The following TRPC3 variants were observed in gnomAD, a reference collection of about 807,000 sequenced individuals.
TRPC3 encodes the protein transient receptor potential cation channel subfamily C member 3, also known as short transient receptor potential channel 3.
TRPC3 carries 54 observed loss-of-function variants against 90.9 expected under a neutral mutation model. The observed-to-expected ratio is 0.59, with a 90% CI of 0.48 to 0.75. The LOEUF (loss-of-function observed/expected upper bound fraction) is 0.75. TRPC3 is among the 30% of genes least tolerant of loss of function. The pLI is 0.00. For synonymous variants in TRPC3, 424 were observed against 450.9 expected (o/e 0.94, Z 0.75); for missense variants, 918 against 1,194.5 (o/e 0.77, Z 3.41).
chr4:121,947,536 G>C (rs1406595736), intron 1 of TRPC3, among the ~76,000 whole-genome samples: 1 of 152,106 alleles, frequency 6.6e-6, no homozygotes, highest in Non-Finnish European at 1.5e-5. Flanking sequence ...CTCATTTTTG[G>C]TTCCTTGATC....
Position 121,951,835 on chromosome 4 carries a change from G to A in TRPC3, c.-155C>T, listed in dbSNP as rs1478569835. 2 of 500,060 alleles carry A rather than the reference G, an allele frequency of 4.0e-6. No individual in the cohort carries two copies. The highest frequency in any genetic ancestry group is 2.0e-5 in the African/African-American group (1 of 50,014). The allele number at this position is 500,060 out of a possible 1,614,324, so 31.0% of individuals were successfully genotyped here. On this transcript the variant is annotated 5_prime_UTR_variant, in exon 1 of 12. Transcript: ENST00000379645. This position sits in a 1 kb window ranked among gnomAD's most constrained non-coding sequence, Gnocchi z 4.4. ...GGAAGGCAGGAGCGGAGAGCGTCGCGGCCCGCGATCCAGCAGTTAGAGGCT... is the reference window on the plus strand; with the variant it reads ...GGAAGGCAGGAGCGGAGAGCGTCGCAGCCCGCGATCCAGCAGTTAGAGGCT...
chr4:121,947,034 G>A (rs1730514691), intron 1 of TRPC3, among the ~76,000 whole-genome samples: 1 of 151,424 alleles, frequency 6.6e-6, no homozygotes, highest in Non-Finnish European at 1.5e-5. Flanking sequence ...AATTTTACAA[G>A]TAGTCAGTTA....
chr4:121,941,633 G>T (rs1454235983), intron 1 of TRPC3, among the ~76,000 whole-genome samples: 2 of 96,934 alleles, frequency 2.1e-5, no homozygotes, highest in Non-Finnish European at 4.4e-5. Context: ...AGTCAGAGAA[G>T]AAAAGTCAAA....
intron 10 of TRPC3, among the ~76,000 whole-genome samples, chr4:121,885,058 G>T (rs566281126): frequency 1.3e-5 from 2 of 152,288 alleles, no homozygotes; most frequent in South Asian, 4.1e-4. Context: ...TGGTGGAAAA[G>T]AAATGACTAT....
At chr4:121,915,805 T>C (rs1331985719) in intron 3 of TRPC3, among the ~76,000 whole-genome samples, 1 of 152,222 alleles carries the variant, frequency 6.6e-6, no homozygotes, top group African/African-American at 2.4e-5. Flanking sequence ...GCATTTGTAC[T>C]CAGGCCCTTG....
At chr4:121,891,067 C>T (rs1179780573) in intron 10 of TRPC3, among the ~76,000 whole-genome samples, 1 of 152,026 alleles carries the variant, frequency 6.6e-6, no homozygotes, top group Non-Finnish European at 1.5e-5. Context: ...ACAATCAATA[C>T]CAAGTTGTAG....
At chr4:121,913,883 G>A (rs1036093111) in intron 4 of TRPC3, among the ~76,000 whole-genome samples, 7 of 152,160 alleles carry the variant, frequency 4.6e-5, no homozygotes, top group Non-Finnish European at 7.3e-5. Context: ...GAACTCTGCC[G>A]GTGGAGACTG....
chr4:121,883,655 G>A (rs1728015137), intron 10 of TRPC3, among the ~76,000 whole-genome samples: 1 of 152,172 alleles, frequency 6.6e-6, no homozygotes, highest in African/African-American at 2.4e-5. Flanking sequence ...ATGGATCAAT[G>A]GGGACTTTTA....
At chr4:121,915,720 G>T (rs895454404) in intron 3 of TRPC3, among the ~76,000 whole-genome samples, 4 of 151,066 alleles carry the variant, frequency 2.6e-5, no homozygotes, top group Admixed American at 6.6e-5. Flanking sequence ...GTTTGATTTT[G>T]TTAAGTTATC....
chr4:121,944,910 A>C (rs149146707), intron 1 of TRPC3, among the ~76,000 whole-genome samples: 9 of 152,382 alleles, frequency 5.9e-5, no homozygotes, highest in African/African-American at 2.2e-4. Flanking sequence ...CAGTGCGAAC[A>C]GCACAGTCCC....
At chr4:121,893,264 T>C (rs901103511) in intron 10 of TRPC3, among the ~76,000 whole-genome samples, 2 of 152,150 alleles carry the variant, frequency 1.3e-5, no homozygotes, top group Non-Finnish European at 2.9e-5. Context: ...GTGTGTTTTG[T>C]TTGTTTGATT....
chr4:121,923,548 TAATACTTATTGAGA>T lies in TRPC3; in HGVS notation c.1176+1456_1176+1469del, dbSNP rs1303156150. ...ATGTAGAAATGTTATTATTAATAGCTAATACTTATTGAGAAATACTTATTGAGAAATCACCATGT... is the reference window on the plus strand; with the variant it reads ...ATGTAGAAATGTTATTATTAATAGCTAATACTTATTGAGAAATCACCATGT... On this transcript the variant is annotated intron_variant, in intron 3 of 11. Transcript: ENST00000379645. Among the ~76,000 whole-genome samples the T allele has an allele frequency of 5.3e-5, 8 of 152,356 alleles. No individual in the cohort carries two copies. In the South Asian group the frequency reaches 1.2e-3, roughly 24 times the overall value.
intron 10 of TRPC3, among the ~76,000 whole-genome samples, chr4:121,885,550 C>T (rs750962103): frequency 2.6e-5 from 4 of 152,126 alleles, no homozygotes; most frequent in Non-Finnish European, 4.4e-5. Flanking sequence ...AGAGACAATA[C>T]ATGTAAATTA....
intron 2 of TRPC3, among the ~76,000 whole-genome samples, chr4:121,926,909 G>A (rs1729738960): frequency 2.6e-5 from 4 of 152,184 alleles, no homozygotes; most frequent in African/African-American, 9.7e-5. Context: ...TAGAAACTGA[G>A]GAAGGGCCCA....
At chr4:121,945,444 G>A (rs1053999613) in intron 1 of TRPC3, among the ~76,000 whole-genome samples, 2 of 152,136 alleles carry the variant, frequency 1.3e-5, no homozygotes, top group East Asian at 1.9e-4. Context: ...AATATATAAC[G>A]GTGGAAAGGA....
At chr4:121,895,588 G>A (rs1276901002) in intron 10 of TRPC3, among the ~76,000 whole-genome samples, 1 of 151,798 alleles carries the variant, frequency 6.6e-6, no homozygotes, top group Non-Finnish European at 1.5e-5. Flanking sequence ...GAAAACCTGG[G>A]AAAATAGATA....
chr4:121,902,828 T>C, intron 9 of TRPC3, 24 bp downstream of exon 9: 4 of 1,513,568 alleles, frequency 2.6e-6, no homozygotes, highest in Non-Finnish European at 3.6e-6. Context: ...TATTTTAAGG[T>C]CTTGGTAAGT....
intron 3 of TRPC3, among the ~76,000 whole-genome samples, chr4:121,916,689 A>G (rs753626383): frequency 3.3e-5 from 5 of 151,790 alleles, no homozygotes; most frequent in Admixed American, 6.6e-5. Flanking sequence ...CTCATTTTGG[A>G]TTTCCAGCCT....
At chr4:121,911,021 A>ACAACTTAACAAATTGTC (rs954760791) in intron 5 of TRPC3, among the ~76,000 whole-genome samples, 1 of 152,236 alleles carries the variant, frequency 6.6e-6, no homozygotes, top group Non-Finnish European at 1.5e-5. Context: ...GTACAACTTA[A>ACAACTTAACAAATTGTC]CAACTTAACA....
Sources: gnomAD v4.1 joint callset for allele counts (sites outside exome capture counted in the v4.1 genomes callset) on GRCh38, gnomAD v4.1.1 for gene constraint, Gnocchi (gnomAD v3.1) non-coding constraint, MANE v1.5 for transcripts, NCBI Gene and HGNC (gene_info 2026-07-23, HGNC 2026-07-21) for gene names.